SLC6A6: variants seen among roughly 807,000 people sequenced by gnomAD.
SLC6A6 encodes the protein sodium- and chloride-dependent taurine transporter.
A neutral mutation model predicts 68.8 loss-of-function variants in SLC6A6; 16 were observed. The observed-to-expected ratio is 0.23, with a 90% CI of 0.16 to 0.35. The LOEUF (loss-of-function observed/expected upper bound fraction) is 0.35. SLC6A6 is among the 10% of genes least tolerant of loss of function. The pLI, the probability that SLC6A6 is intolerant of heterozygous loss-of-function variation, is 1.00. For synonymous variants in SLC6A6, 312 were observed against 315.4 expected (o/e 0.99, Z 0.12); for missense variants, 474 against 802.8 (o/e 0.59, Z 4.95).
At chr3:14,414,140 G>A (rs193289357) in intron 1 of SLC6A6, among the ~76,000 whole-genome samples, 47 of 152,272 alleles carry the variant, frequency 3.1e-4, no homozygotes, top group African/African-American at 9.1e-4. Context: ...TCTGTCTCCC[G>A]GCTCCGGGTC....
intron 1 of SLC6A6, among the ~76,000 whole-genome samples, chr3:14,410,234 CT>C (rs1699218188): frequency 6.6e-6 from 1 of 151,950 alleles, no homozygotes; most frequent in Non-Finnish European, 1.5e-5. Flanking sequence ...GTGCTCCCCC[CT>C]CCCAGCCGCA....
At chr3:14,463,338 G>GCCCTTAGCTGAGTGCCCC (rs1462394142) in intron 6 of SLC6A6, among the ~76,000 whole-genome samples, 3 of 152,204 alleles carry the variant, frequency 2.0e-5, no homozygotes, top group Admixed American at 6.5e-5. Flanking sequence ...AACTCACGAA[G>GCCCTTAGCTGAGTGCCCC]CCCTTAGCTG....
At chr3:14,483,855 A>AT (rs957698870) in intron 14 of SLC6A6, among the ~76,000 whole-genome samples, 25 of 148,434 alleles carry the variant, frequency 1.7e-4, no homozygotes, top group South Asian at 4.3e-4. Flanking sequence ...CTAATTTTTA[A>AT]TTTTTTTTTT....
At position 14,479,164 on chromosome 3, in the gene SLC6A6, G is replaced by A; in HGVS notation, c.1530G>A (p.Val510=). The change falls in exon 13 of 15, where the codon GTG becomes GTA. Residue 510 remains valine (V), a synonymous_variant. Transcript: ENST00000622186. ...PGPWMKYSWA[V]ITPVLCVGCF... is the part of the protein sequence containing the mutation. ...CCTGGATGAAGTACAGCTGGGCTGTGATCACTCCAGTTCTCTGTGTTGTGA... is the reference window on the plus strand; with the variant it reads ...CCTGGATGAAGTACAGCTGGGCTGTAATCACTCCAGTTCTCTGTGTTGTGA... 1.2e-6 allele frequency: 2 copies of A among 1,610,626 alleles called. No homozygotes were observed. The highest frequency in any genetic ancestry group is 1.7e-6 in the Non-Finnish European group (2 of 1,176,756).
chr3:14,416,787 T>C (rs2124905766), intron 2 of SLC6A6, among the ~76,000 whole-genome samples: 1 of 152,362 alleles, frequency 6.6e-6, no homozygotes, highest in Middle Eastern at 3.4e-3. Context: ...GTGGGGAGGA[T>C]GCCCTCACTG....
intron 2 of SLC6A6, among the ~76,000 whole-genome samples, chr3:14,434,142 T>C (rs1168137622): frequency 6.6e-6 from 1 of 152,248 alleles, no homozygotes; most frequent in East Asian, 1.9e-4. Context: ...TTGCCTCAGC[T>C]TCAGTGTGGC....
intron 1 of SLC6A6, among the ~76,000 whole-genome samples, chr3:14,409,321 C>G (rs1029490889): frequency 6.6e-6 from 1 of 152,220 alleles, no homozygotes; most frequent in African/African-American, 2.4e-5. Flanking sequence ...ATACCCCCAC[C>G]CAGGACTTGC....
rs182545628 is a variant in SLC6A6, at chr3:14,429,521, G to A, written c.-12+13068G>A. 7.9e-5 allele frequency among the ~76,000 whole-genome samples: 12 copies of A among 152,340 alleles called. No homozygotes were observed. In the East Asian group the frequency reaches 1.5e-3, roughly 20 times the overall value. On this transcript the variant is annotated intron_variant, in intron 2 of 14. Transcript: ENST00000622186. ...GTGTGCACACACGCATCACATGCACGCACTGTCATGAGCCAGCCTTAATCT... is the reference window on the plus strand; with the variant it reads ...GTGTGCACACACGCATCACATGCACACACTGTCATGAGCCAGCCTTAATCT...
chr3:14,486,027 C>G lies in SLC6A6; in HGVS notation c.*1020C>G, dbSNP rs947285384. 1.3e-5 allele frequency: 2 copies of G among 152,668 alleles called. No homozygotes were observed. The highest frequency in any genetic ancestry group is 2.4e-5 in the African/African-American group (1 of 41,444). The allele number at this position is 152,668 out of a possible 1,614,324, so 9.5% of individuals were successfully genotyped here. A position where few individuals can be genotyped will look rare whatever the true frequency, so the allele number is the denominator to read the frequency against. ...GGGGTCATAGCAGGTTCTGGTCATT[C>G]CCCAAGCAACATCTCAGCATCTCTT... is the stretch of plus-strand genomic sequence containing the variant. On this transcript the variant is annotated 3_prime_UTR_variant, in exon 15 of 15. Transcript: ENST00000622186.
At chr3:14,461,812 A>G (rs934321674) in intron 6 of SLC6A6, among the ~76,000 whole-genome samples, 1 of 152,144 alleles carries the variant, frequency 6.6e-6, no homozygotes, top group Non-Finnish European at 1.5e-5. Context: ...GGGCCTGCCT[A>G]GGATCTCTGG....
chr3:14,462,839 G>A (rs969607901), intron 6 of SLC6A6, among the ~76,000 whole-genome samples: 2 of 152,204 alleles, frequency 1.3e-5, no homozygotes, highest in Non-Finnish European at 2.9e-5. Flanking sequence ...GTGTACACAC[G>A]GTGGAGGAAG....
intron 10 of SLC6A6, among the ~76,000 whole-genome samples, chr3:14,474,946 C>T (rs1700840026): frequency 6.6e-6 from 1 of 152,232 alleles, no homozygotes; most frequent in Non-Finnish European, 1.5e-5. Flanking sequence ...CATCATACTG[C>T]TGCGCCTTTC....
chr3:14,411,725 A>T (rs1223506795), intron 1 of SLC6A6, among the ~76,000 whole-genome samples: 2 of 152,184 alleles, frequency 1.3e-5, no homozygotes, highest in African/African-American at 4.8e-5. Flanking sequence ...TGAACATCTG[A>T]GTGGCTCCAG....
In SLC6A6 at chr3:14,487,629, G is replaced by T. The variant is rs1163707938; in HGVS notation, c.*2622G>T. On this transcript the variant is annotated 3_prime_UTR_variant, in exon 15 of 15. Coordinates refer to ENST00000622186, the MANE Select transcript of SLC6A6 (RefSeq NM_003043.6). ...TCAATTTTTTAAGATGAAGAAGTGG[G>T]AGACACTGCGTTGAGATGGGCCATG... 6.6e-6 allele frequency: 1 copy of T among 152,216 alleles called. No homozygotes were observed. Among genetic ancestry groups the T allele is most frequent in the African/African-American group, 2.4e-5 (1 of 41,444 alleles). 9.4% of individuals were successfully genotyped at this position (152,216 alleles called of 1,614,324 possible).
chr3:14,441,086 C>T (rs974303986), intron 2 of SLC6A6, among the ~76,000 whole-genome samples: 4 of 152,088 alleles, frequency 2.6e-5, no homozygotes, highest in East Asian at 1.9e-4. Flanking sequence ...AGAGGGTTCT[C>T]GAATATTAGT....
intron 6 of SLC6A6, among the ~76,000 whole-genome samples, chr3:14,460,799 G>T (rs1234097446): frequency 6.6e-6 from 1 of 152,226 alleles, no homozygotes; most frequent in Non-Finnish European, 1.5e-5. Context: ...CAGAGCCTGG[G>T]CCAGGCCAGA....
chr3:14,472,327 A>G lies in SLC6A6; in HGVS notation c.1209+10A>G. ...TGGACTGGATAGCCAGGTGCGTATA[A>G]GGGATGGCCCTGGGGCGACTGCCCC... On this transcript the variant is annotated intron_variant, in intron 10 of 14. Transcript: ENST00000622186. The surrounding 1 kb of genome is among the most constrained non-coding windows in gnomAD (Gnocchi z 4.5). The G allele has an allele frequency of 6.6e-7, 1 of 1,524,456 alleles. No homozygotes were observed. Among genetic ancestry groups the G allele is most frequent in the Non-Finnish European group, 9.1e-7 (1 of 1,098,348 alleles). The allele number at this position is 1,524,456 out of a possible 1,614,324, so 94.4% of individuals were successfully genotyped here.
chr3:14,403,075 AGAGT>A (rs1414328349), intron 1 of SLC6A6, among the ~76,000 whole-genome samples: 1 of 100,058 alleles, frequency 1.0e-5, no homozygotes, highest in African/African-American at 4.1e-5. Context: ...GGGCGGCAGG[AGAGT>A]GTGTGTGTGT....
chr3:14,472,403 T>C lies in SLC6A6; in HGVS notation c.1209+86T>C. On this transcript the variant is annotated intron_variant, in intron 10 of 14. Transcript: ENST00000622186. The surrounding 1 kb of genome is among the most constrained non-coding windows in gnomAD (Gnocchi z 4.5). Reference sequence around the variant, plus strand: ...ACTCCTTATTCCACCTGGGAGGTGGTCAACCCCCTTCCCCCCTCCAGTCAG... The same window carrying C: ...ACTCCTTATTCCACCTGGGAGGTGGCCAACCCCCTTCCCCCCTCCAGTCAG... The C allele has an allele frequency of 1.2e-6, 1 of 803,928 alleles. No individual in the cohort carries two copies. The highest frequency in any genetic ancestry group is 2.2e-6 in the Non-Finnish European group (1 of 463,314). The allele number at this position is 803,928 out of a possible 1,614,324, so 49.8% of individuals were successfully genotyped here. A position where few individuals can be genotyped will look rare whatever the true frequency, so the allele number is the denominator to read the frequency against.
Sources: allele counts gnomAD v4.1 joint callset (sites outside exome capture counted in the v4.1 genomes callset), GRCh38; gene constraint gnomAD v4.1.1; non-coding constraint Gnocchi (gnomAD v3.1); transcripts MANE v1.5; gene names NCBI Gene and HGNC (gene_info 2026-07-23, HGNC 2026-07-21).